Variants in ELMO1 observed in about 807,000 individuals in gnomAD.
ELMO1 encodes the protein engulfment and cell motility 1.
In ELMO1, 26 loss-of-function variants were observed where a neutral mutation model predicts 98.9. That is an observed-to-expected ratio of 0.26 (90% CI 0.19 to 0.36). ELMO1 has a LOEUF of 0.36. ELMO1 is among the 10% of genes least tolerant of loss of function. ELMO1 has a pLI of 1.00. For missense variants in ELMO1, 627 were observed against 935.2 expected, an observed-to-expected ratio of 0.67 and a Z score of 4.30; for synonymous variants, 346 against 346.0, an observed-to-expected ratio of 1.00 and a Z score of 0.00.
At chr7:37,294,280 C>T (rs1175258553) in intron 4 of ELMO1, among the ~76,000 whole-genome samples, 1 of 151,800 alleles carries the variant, frequency 6.6e-6, no homozygotes, top group Non-Finnish European at 1.5e-5. Flanking sequence ...TCCCTTGAAC[C>T]CGGGAGGCGG....
intron 2 of ELMO1, among the ~76,000 whole-genome samples, chr7:37,321,857 CTTTT>C (rs869082330): frequency 2.2e-5 from 3 of 137,448 alleles, no homozygotes; most frequent in African/African-American, 5.3e-5. Flanking sequence ...AAGTAACTCC[CTTTT>C]TTTTTTTTTT....
intron 4 of ELMO1, among the ~76,000 whole-genome samples, chr7:37,294,501 CTT>C (rs1243012049): frequency 1.3e-5 from 2 of 152,174 alleles, no homozygotes; most frequent in African/African-American, 4.8e-5. Context: ...AGTAGAACCA[CTT>C]TGAAAAGCAG....
intron 7 of ELMO1, among the ~76,000 whole-genome samples, chr7:37,239,583 G>A (rs558542352): frequency 6.6e-6 from 1 of 152,334 alleles, no homozygotes; most frequent in African/African-American, 2.4e-5. Context: ...TATGAGAACA[G>A]AGATTGAGTA....
intron 13 of ELMO1, chr7:37,197,158 A>G (rs750095892): frequency 6.6e-6 from 1 of 152,190 alleles, no homozygotes; most frequent in Non-Finnish European, 1.5e-5. Context: ...TTCTCATTGG[A>G]AAGTTTGTAG....
chr7:36,952,704 A>T (rs1392952870), intron 16 of ELMO1, among the ~76,000 whole-genome samples: 3 of 152,174 alleles, frequency 2.0e-5, no homozygotes, highest in East Asian at 1.9e-4. Flanking sequence ...GGGGGAAAAA[A>T]CTGAATACAT....
At chr7:37,368,942 C>G (rs1000293714) in intron 1 of ELMO1, among the ~76,000 whole-genome samples, 9 of 152,092 alleles carry the variant, frequency 5.9e-5, no homozygotes, top group Non-Finnish European at 8.8e-5. Context: ...TTTTCATTGG[C>G]CTTTTGTCAG....
At chr7:37,196,021 G>A (rs937321135) in intron 13 of ELMO1, among the ~76,000 whole-genome samples, 3 of 152,202 alleles carry the variant, frequency 2.0e-5, no homozygotes, top group African/African-American at 7.2e-5. Context: ...TCATGAAGCA[G>A]GAAGATGAGC....
intron 13 of ELMO1, among the ~76,000 whole-genome samples, chr7:37,179,363 C>T (rs1362429729): frequency 2.0e-5 from 3 of 151,194 alleles, no homozygotes; most frequent in Admixed American, 6.6e-5. Context: ...CTGCAACCTC[C>T]GCCTCCAGGG....
chr7:37,125,500 A>G (rs1035595025), intron 14 of ELMO1, among the ~76,000 whole-genome samples: 25 of 152,250 alleles, frequency 1.6e-4, no homozygotes, highest in African/African-American at 5.5e-4. Flanking sequence ...ACTTCTCAAA[A>G]GAAGACATTT....
chr7:37,357,783 G>C (rs1362812099), intron 1 of ELMO1, among the ~76,000 whole-genome samples: 1 of 152,226 alleles, frequency 6.6e-6, no homozygotes, highest in South Asian at 2.1e-4. Flanking sequence ...ATAAAACACA[G>C]TCAGGGTACA....
rs572991255 is a variant in ELMO1, at chr7:37,334,120, T to G, written c.78+8493A>C. 2.5e-4 allele frequency among the ~76,000 whole-genome samples: 38 copies of G among 152,232 alleles called. 1 individual carries two copies. In the South Asian group the frequency reaches 7.9e-3, roughly 32 times the overall value. On this transcript the variant is annotated intron_variant, in intron 2 of 21. Coordinates refer to ENST00000310758, the MANE Select transcript of ELMO1 (RefSeq NM_014800.11). ...TGAACCTTGAATCACTACACAATGA[T>G]CCTCTGTGTATTTTCAACATGTTTC... is the stretch of plus-strand genomic sequence containing the variant.
In ELMO1 at chr7:37,328,383, C is replaced by CAAAAAAAAAAAA. The variant is rs10669717; in HGVS notation, c.79-12435_79-12424dup. ...TGGGCAACATAGGGAGACCCTGCCA[C>CAAAAAAAAAAAA]AAAAAAAAAAAAAAAAAAAAAAAAA... On this transcript the variant is annotated intron_variant, in intron 2 of 21. Transcript: ENST00000310758. Among the ~76,000 whole-genome samples, 17 of 64,854 alleles carry CAAAAAAAAAAAA rather than the reference C, an allele frequency of 2.6e-4. 1 individual carries two copies. Among genetic ancestry groups the CAAAAAAAAAAAA allele is most frequent in the Middle Eastern group, 9.3e-3 (1 of 108 alleles). 42.5% of individuals were successfully genotyped at this position (64,854 alleles called of 152,430 possible).
intron 1 of ELMO1, among the ~76,000 whole-genome samples, chr7:37,348,142 C>T (rs761762847): frequency 2.0e-5 from 3 of 152,152 alleles, no homozygotes; most frequent in Non-Finnish European, 4.4e-5. Flanking sequence ...CCTCAATGAA[C>T]ATCTCATTAG....
chr7:37,255,919 A>G (rs1313497535), intron 6 of ELMO1, among the ~76,000 whole-genome samples: 4 of 152,172 alleles, frequency 2.6e-5, no homozygotes, highest in Non-Finnish European at 5.9e-5. Flanking sequence ...AGTATAGGCT[A>G]CCATGTCTGG....
At chr7:36,927,787 T>C (rs1354973948) in intron 16 of ELMO1, among the ~76,000 whole-genome samples, 1 of 152,200 alleles carries the variant, frequency 6.6e-6, no homozygotes, top group South Asian at 2.1e-4. Flanking sequence ...TACCAGAGTA[T>C]GAATGAGTGA....
rs143505853 is a variant in ELMO1, at chr7:37,132,797, T to C, written c.1191+333A>G. 4.7e-3 allele frequency among the ~76,000 whole-genome samples: 710 copies of C among 152,306 alleles called. 3 individuals are homozygous for C. The highest frequency in any genetic ancestry group is 0.016 in the African/African-American group (682 of 41,576). On this transcript the variant is annotated intron_variant, in intron 14 of 21. Coordinates refer to ENST00000310758, the MANE Select transcript of ELMO1 (RefSeq NM_014800.11). ...GTGTCAGACTCAACAGCCTCTGAAT[T>C]TGGAGTCATGCAAGTTTTTGGTAGG...
At chr7:37,340,103 AC>A (rs1800636125) in intron 2 of ELMO1, among the ~76,000 whole-genome samples, 1 of 152,242 alleles carries the variant, frequency 6.6e-6, no homozygotes, top group Non-Finnish European at 1.5e-5. Context: ...ACAGGATATT[AC>A]ACCAGAGAGA....
chr7:37,110,709 A>G (rs1785206340), intron 14 of ELMO1, among the ~76,000 whole-genome samples: 1 of 152,186 alleles, frequency 6.6e-6, no homozygotes, highest in East Asian at 1.9e-4. Flanking sequence ...TGGGAAAGAA[A>G]AATCCACAGT....
chr7:37,215,862 G>C (rs964617825), intron 11 of ELMO1, among the ~76,000 whole-genome samples: 1 of 152,112 alleles, frequency 6.6e-6, no homozygotes, highest in Non-Finnish European at 1.5e-5. Flanking sequence ...CTGATCTGTT[G>C]GCCTCACCAT....
Sources: allele counts gnomAD v4.1 joint callset (sites outside exome capture counted in the v4.1 genomes callset), GRCh38; gene constraint gnomAD v4.1.1; transcripts MANE v1.5; gene names NCBI Gene and HGNC (gene_info 2026-07-23, HGNC 2026-07-21).